SEMA6A: variants seen among roughly 807,000 people sequenced by gnomAD.
SEMA6A encodes semaphorin 6A, also known as semaphorin-6A.
SEMA6A carries 25 observed loss-of-function variants against 96.8 expected under a neutral mutation model. The ratio of observed to expected loss-of-function variants is 0.26; its 90% confidence interval spans 0.19 to 0.36. The LOEUF (loss-of-function observed/expected upper bound fraction) is 0.36, where lower values mean the gene tolerates loss of function less well. SEMA6A is among the 10% of genes least tolerant of loss of function. The pLI is 1.00. For synonymous variants in SEMA6A, 612 were observed against 518.0 expected (o/e 1.18, Z -2.46); for missense variants, 1,363 against 1,323.1 (o/e 1.03, Z -0.47).
chr5:116,495,281 T>C, intron 6 of SEMA6A, 132 bp downstream of exon 6: 2 of 698,036 alleles, frequency 2.9e-6, no homozygotes, highest in South Asian at 3.2e-5. Context: ...TGTGGAGCAA[T>C]ACATTAAGTT....
chr5:116,510,260 A>G (rs1245749680), intron 1 of SEMA6A, among the ~76,000 whole-genome samples: 1 of 152,108 alleles, frequency 6.6e-6, no homozygotes, highest in Non-Finnish European at 1.5e-5. Context: ...GTTGAGTTTT[A>G]CACTAAATCT....
intron 1 of SEMA6A, among the ~76,000 whole-genome samples, chr5:116,523,797 T>C (rs1286799072): frequency 6.6e-6 from 1 of 152,170 alleles, no homozygotes; most frequent in Non-Finnish European, 1.5e-5. Context: ...AAAATTTTAG[T>C]AGAACCCCAG....
At chr5:116,483,278 C>G (rs1756881868) in intron 10 of SEMA6A, among the ~76,000 whole-genome samples, 1 of 152,078 alleles carries the variant, frequency 6.6e-6, no homozygotes, top group African/African-American at 2.4e-5. Flanking sequence ...TTTTTTTAAT[C>G]AATGATGGGA....
At chr5:116,532,181 C>G (rs865897867) in intron 1 of SEMA6A, among the ~76,000 whole-genome samples, 1 of 152,294 alleles carries the variant, frequency 6.6e-6, no homozygotes, top group Middle Eastern at 3.4e-3. Context: ...CATTCCCAAC[C>G]TCCTGAGTCA....
At chr5:116,461,845 G>A (rs111985446) in intron 18 of SEMA6A, among the ~76,000 whole-genome samples, 6,815 of 152,164 alleles carry the variant, frequency 0.045, 236 homozygotes, top group South Asian at 0.1. Flanking sequence ...CAGGAACTAC[G>A]TCTATCTCTA....
chr5:116,553,742 G>A (rs180770945), intron 1 of SEMA6A, among the ~76,000 whole-genome samples: 256 of 152,230 alleles, frequency 1.7e-3, no homozygotes, highest in African/African-American at 5.6e-3. Context: ...GAAAGAGGGG[G>A]TGGATTCCTG....
intron 10 of SEMA6A, among the ~76,000 whole-genome samples, chr5:116,485,736 G>C (rs1242613832): frequency 1.3e-5 from 2 of 152,166 alleles, no homozygotes; most frequent in South Asian, 2.1e-4. Context: ...AAGCAAAACA[G>C]TATTACTAGA....
chr5:116,537,139 A>G lies in SEMA6A; in HGVS notation c.-38-32157T>C, dbSNP rs570254743. ...TCGCAACAGTTACACACACATGCAC[A>G]CATGCATGCACACATAGAGACCCAC... On this transcript the variant is annotated intron_variant, in intron 1 of 18. Transcript: ENST00000343348. Among the ~76,000 whole-genome samples the G allele has an allele frequency of 2.6e-5, 4 of 152,342 alleles. No homozygotes were observed. The South Asian group carries it at 8.3e-4, about 32-fold the overall frequency.
At chr5:116,548,167 C>T (rs748684433) in intron 1 of SEMA6A, among the ~76,000 whole-genome samples, 25 of 152,328 alleles carry the variant, frequency 1.6e-4, no homozygotes, top group African/African-American at 5.5e-4. Flanking sequence ...ATAATGCCTT[C>T]GCCTTCCTTG....
chr5:116,561,771 CA>C (rs1760826532), intron 1 of SEMA6A, among the ~76,000 whole-genome samples: 1 of 152,184 alleles, frequency 6.6e-6, no homozygotes, highest in Non-Finnish European at 1.5e-5. Flanking sequence ...GCAATATTAA[CA>C]GGTTTTGTGT....
rs1324320107 is a variant in SEMA6A, at chr5:116,445,974, A to G, written c.*639T>C. 3.3e-5 allele frequency: 5 copies of G among 152,696 alleles called. No homozygotes were observed. Among genetic ancestry groups the G allele is most frequent in the African/African-American group, 9.6e-5 (4 of 41,468 alleles). 9.5% of individuals were successfully genotyped at this position (152,696 alleles called of 1,614,324 possible). On this transcript the variant is annotated 3_prime_UTR_variant, in exon 19 of 19. Transcript: ENST00000343348. ...TAAAAGAGAGGAGGAGCAGAAATCT[A>G]TGACATAGTTGCCCAACATGGCATT... is the stretch of plus-strand genomic sequence containing the variant.
At chr5:116,448,361 A>C (rs1405054311) in intron 18 of SEMA6A, among the ~76,000 whole-genome samples, 1 of 151,814 alleles carries the variant, frequency 6.6e-6, no homozygotes, top group Non-Finnish European at 1.5e-5. Flanking sequence ...AGAAAGAAAG[A>C]AAAGTGCTGT....
chr5:116,517,775 C>G (rs900642350), intron 1 of SEMA6A, among the ~76,000 whole-genome samples: 3 of 152,218 alleles, frequency 2.0e-5, no homozygotes, highest in African/African-American at 7.2e-5. Context: ...AGCAACCCCT[C>G]CACCTGAGTG....
chr5:116,502,657 C>A (rs960152662), intron 2 of SEMA6A: 7 of 230,190 alleles, frequency 3.0e-5, no homozygotes, highest in Admixed American at 5.3e-5. Context: ...CCACAGTTTT[C>A]TTTTCATCTT....
At chr5:116,490,341 A>G (rs1757270947) in intron 7 of SEMA6A, among the ~76,000 whole-genome samples, 1 of 152,144 alleles carries the variant, frequency 6.6e-6, no homozygotes, top group African/African-American at 2.4e-5. Flanking sequence ...CTATATTCCT[A>G]TAGCCCCGCC....
chr5:116,533,826 C>A (rs7735304), intron 1 of SEMA6A, among the ~76,000 whole-genome samples: 2,158 of 152,234 alleles, frequency 0.014, 60 homozygotes, highest in African/African-American at 0.05. Flanking sequence ...CACCTCCAGG[C>A]TTCACTCCCT....
chr5:116,547,559 A>G (rs143703606), intron 1 of SEMA6A, among the ~76,000 whole-genome samples: 232 of 146,084 alleles, frequency 1.6e-3, no homozygotes, highest in African/African-American at 5.7e-3. Flanking sequence ...AATATTCTCT[A>G]AGTAACGTAC....
chr5:116,528,424 G>A (rs1759322826), intron 1 of SEMA6A, among the ~76,000 whole-genome samples: 1 of 152,146 alleles, frequency 6.6e-6, no homozygotes, highest in Admixed American at 6.6e-5. Context: ...AGCTGATACT[G>A]CAGAAGCAGT....
rs1016491442 is a variant in SEMA6A, at chr5:116,444,405, T to C, written c.*2208A>G. ...TTCACTATCCAACTCAAAACTGTCA[T>C]TGTCAGTCTTTTTTTGAATTCTTTT... On this transcript the variant is annotated 3_prime_UTR_variant, in exon 19 of 19. Transcript: ENST00000343348. 6.6e-6 allele frequency: 1 copy of C among 152,176 alleles called. No homozygotes were observed. The highest frequency in any genetic ancestry group is 1.5e-5 in the Non-Finnish European group (1 of 68,018). 9.4% of individuals were successfully genotyped at this position (152,176 alleles called of 1,614,324 possible). A position where few individuals can be genotyped will look rare whatever the true frequency, so the allele number is the denominator to read the frequency against.
Sources: gnomAD v4.1 joint callset for allele counts (sites outside exome capture counted in the v4.1 genomes callset) on GRCh38, gnomAD v4.1.1 for gene constraint, MANE v1.5 for transcripts, NCBI Gene and HGNC (gene_info 2026-07-23, HGNC 2026-07-21) for gene names.